Variants in SYNJ1 observed in about 807,000 individuals in gnomAD.
SYNJ1 encodes polyphosphatidylinositol phosphatase SYNJ1.
A neutral mutation model predicts 168.2 loss-of-function variants in SYNJ1; 78 were observed. The ratio of observed to expected loss-of-function variants is 0.46; its 90% CI spans 0.39 to 0.56. SYNJ1 has a LOEUF of 0.56. Ranked by LOEUF, SYNJ1 falls within the 20% of genes least tolerant of loss-of-function variation. The pLI, the probability that SYNJ1 is intolerant of heterozygous loss-of-function variation, is 0.00. For missense variants in SYNJ1, 1,303 were observed against 1,597.6 expected (o/e 0.82, Z 3.14); for synonymous variants, 539 against 548.6 (o/e 0.98, Z 0.24).
intron 15 of SYNJ1, 100 bp from the exon 16 acceptor site, chr21:32,666,673 A>AAGCTTCCTTC: frequency 1.6e-6 from 2 of 1,232,270 alleles, no homozygotes; most frequent in Non-Finnish European, 2.2e-6. Flanking sequence ...CAAATATCCT[A>AAGCTTCCTTC]AGACTCTGAA....
chr21:32,636,605 A>G (rs1487110197), intron 31 of SYNJ1, among the ~76,000 whole-genome samples: 1 of 152,150 alleles, frequency 6.6e-6, no homozygotes, highest in Non-Finnish European at 1.5e-5. Context: ...TACTTCCAAT[A>G]ATTTAAAATT....
intron 12 of SYNJ1, among the ~76,000 whole-genome samples, chr21:32,677,221 T>C (rs2041447007): frequency 6.6e-6 from 1 of 152,222 alleles, no homozygotes; most frequent in African/African-American, 2.4e-5. Flanking sequence ...GTTTTATATG[T>C]TGTACATATT....
intron 13 of SYNJ1, among the ~76,000 whole-genome samples, chr21:32,674,811 T>C (rs1391300107): frequency 6.6e-6 from 1 of 152,190 alleles, no homozygotes; most frequent in African/African-American, 2.4e-5. Context: ...TCTTATTTTA[T>C]TATGATATTC....
At chr21:32,636,996 A>G (rs1049094259) in intron 31 of SYNJ1, among the ~76,000 whole-genome samples, 5 of 152,338 alleles carry the variant, frequency 3.3e-5, no homozygotes, top group Admixed American at 2.0e-4. Context: ...ACTCACTTCA[A>G]TGAAAAACAT....
In SYNJ1 at chr21:32,708,743, A is replaced by G. The variant is rs930126323; in HGVS notation, c.125-6696T>C. ...TCATACTCAACACCATCTTTCATTC[A>G]TACCTTTTCTTAGGTACCTTTTTTT... On this transcript the variant is annotated intron_variant, in intron 2 of 32. Coordinates refer to ENST00000674351, the MANE Select transcript of SYNJ1 (RefSeq NM_203446.3). Among the ~76,000 whole-genome samples the G allele has an allele frequency of 2.6e-5, 4 of 151,082 alleles. No individual in the cohort carries two copies. The South Asian group carries it at 6.2e-4, about 24-fold the overall frequency.
chr21:32,701,308 C>T lies in SYNJ1; in HGVS notation c.211+653G>A, dbSNP rs559963914. Among the ~76,000 whole-genome samples, 6 of 152,240 alleles carry T rather than the reference C, an allele frequency of 3.9e-5. 1 individual carries two copies. The highest frequency in any genetic ancestry group is 3.9e-4 in the Admixed American group (6 of 15,290). ...ACACTTACACCAGAATGGAAATCAA[C>T]TATATTACTAAGTTCACCCTTTAGT... is the stretch of plus-strand genomic sequence containing the variant. On this transcript the variant is annotated intron_variant, in intron 3 of 32. Transcript: ENST00000674351.
At chr21:32,701,019 G>A (rs1337251806) in intron 3 of SYNJ1, among the ~76,000 whole-genome samples, 25 of 152,182 alleles carry the variant, frequency 1.6e-4, no homozygotes, top group Non-Finnish European at 1.0e-4. Flanking sequence ...AGGTAGAAGC[G>A]GCCCTGAATC....
chr21:32,726,564 C>G (rs1341278876), intron 2 of SYNJ1, among the ~76,000 whole-genome samples: 1 of 152,142 alleles, frequency 6.6e-6, no homozygotes, highest in African/African-American at 2.4e-5. Flanking sequence ...GCAACCAAAA[C>G]CTGCATCTCC....
chr21:32,722,241 A>T (rs1306677928), intron 2 of SYNJ1, among the ~76,000 whole-genome samples: 1 of 147,010 alleles, frequency 6.8e-6, no homozygotes, highest in African/African-American at 2.5e-5. Flanking sequence ...TAATGTATGC[A>T]TGTATGTATA....
chr21:32,661,009 C>T (rs1048899836), intron 18 of SYNJ1, among the ~76,000 whole-genome samples: 3 of 152,160 alleles, frequency 2.0e-5, no homozygotes, highest in African/African-American at 7.2e-5. Flanking sequence ...AGCCCCCTTA[C>T]TCCCTCAAAC....
chr21:32,648,318 T>C (rs932533565), intron 23 of SYNJ1, among the ~76,000 whole-genome samples: 23 of 152,170 alleles, frequency 1.5e-4, no homozygotes, highest in Non-Finnish European at 1.6e-4. Flanking sequence ...ACAGACACTT[T>C]TCTCCACTTC....
intron 32 of SYNJ1, 103 bp from the exon 33 acceptor site, chr21:32,631,904 A>C: frequency 4.5e-6 from 5 of 1,104,564 alleles, no homozygotes; most frequent in Non-Finnish European, 6.3e-6. Flanking sequence ...CAAGCATGTA[A>C]ATTTAGAAAC....
chr21:32,725,933 CAG>C (rs1314191574), intron 2 of SYNJ1, among the ~76,000 whole-genome samples: 1 of 152,164 alleles, frequency 6.6e-6, no homozygotes, highest in Non-Finnish European at 1.5e-5. Flanking sequence ...CTCGACCTTC[CAG>C]ACTCAATCAA....
chr21:32,650,988 T>G (rs2040250734), intron 22 of SYNJ1, among the ~76,000 whole-genome samples: 1 of 152,224 alleles, frequency 6.6e-6, no homozygotes, highest in Non-Finnish European at 1.5e-5. Flanking sequence ...TGGGTGACTT[T>G]TAGACTAAAG....
chr21:32,681,681 CATTAATAT>C (rs772928792), intron 10 of SYNJ1, 33 bp from the exon 11 acceptor site: 17 of 1,571,730 alleles, frequency 1.1e-5, no homozygotes, highest in Non-Finnish European at 1.4e-5. Flanking sequence ...TTTATAAGTA[CATTAATAT>C]ATTAATTGTA....
intron 2 of SYNJ1, among the ~76,000 whole-genome samples, chr21:32,723,459 C>T (rs955136728): frequency 1.3e-5 from 2 of 152,164 alleles, no homozygotes; most frequent in African/African-American, 2.4e-5. Context: ...TCACTTCCAC[C>T]ACCCCTTTCC....
rs75924460 is a variant in SYNJ1, at chr21:32,683,983, A to G, written c.1200+55T>C. 0.049 allele frequency: 71,730 copies of G among 1,460,876 alleles called. 2,188 individuals are homozygous for G. The highest frequency in any genetic ancestry group is 0.059 in the Non-Finnish European group (61,152 of 1,042,696). 90.5% of individuals were successfully genotyped at this position (1,460,876 alleles called of 1,614,324 possible). A position where few individuals can be genotyped will look rare whatever the true frequency, so the allele number is the denominator to read the frequency against. ...TAATAAGAAACATAAGTATTCAAAA[A>G]GCACTTAAAGAGGCAGATGATACAA... On this transcript the variant is annotated intron_variant, in intron 10 of 32. Coordinates refer to ENST00000674351, the MANE Select transcript of SYNJ1 (RefSeq NM_203446.3).
At chr21:32,671,697 T>C (rs2145967093) in intron 14 of SYNJ1, among the ~76,000 whole-genome samples, 1 of 152,242 alleles carries the variant, frequency 6.6e-6, no homozygotes, top group South Asian at 2.1e-4. Context: ...TACATAGAAT[T>C]ATAGTGTTAG....
chr21:32,631,458 T>C lies in SYNJ1; in HGVS notation c.*347A>G, dbSNP rs1245095366. 2 of 1,614,080 alleles carry C rather than the reference T, an allele frequency of 1.2e-6. No homozygotes were observed. The highest frequency in any genetic ancestry group is 3.3e-5 in the Admixed American group (2 of 59,996). ...TGAAGTTGCCTCTGATTCTTCAGAC[T>C]TGGCTCTAAATGGGTTTCCAGGAGC... is the stretch of plus-strand genomic sequence containing the variant. On this transcript the variant is annotated 3_prime_UTR_variant, in exon 33 of 33. Transcript: ENST00000674351.
Sources: allele counts gnomAD v4.1 joint callset (sites outside exome capture counted in the v4.1 genomes callset), GRCh38; gene constraint gnomAD v4.1.1; transcripts MANE v1.5; gene names NCBI Gene and HGNC (gene_info 2026-07-23, HGNC 2026-07-21).